The following STPG2 variants were observed in gnomAD, a reference collection of about 807,000 sequenced individuals.
The protein encoded by STPG2 is sperm-tail PG-rich repeat-containing protein 2.
In STPG2, 56 loss-of-function variants were observed where a neutral mutation model predicts 54.2. That is an observed-to-expected ratio of 1.03 (90% CI 0.83 to 1.29). STPG2 has a LOEUF of 1.29. Among genes scored for constraint, STPG2 ranks in the 50% most tolerant of loss-of-function variants. The probability of loss-of-function intolerance (pLI) is 0.00; values close to 1 mark genes in which losing one functional copy is unlikely to be tolerated. For missense variants in STPG2, 596 were observed against 544.9 expected, an observed-to-expected ratio of 1.09 and a Z score of -0.93; for synonymous variants, 200 against 181.8, an observed-to-expected ratio of 1.10 and a Z score of -0.81.
chr4:98,000,997 T>C (rs894000169), intron 5 of STPG2, among the ~76,000 whole-genome samples: 3 of 152,196 alleles, frequency 2.0e-5, no homozygotes, highest in Non-Finnish European at 2.9e-5. Flanking sequence ...TTGGAGTTGA[T>C]GGTTGTCTTA....
intron 4 of STPG2, among the ~76,000 whole-genome samples, chr4:97,495,948 G>T (rs981719428): frequency 1.3e-5 from 2 of 151,474 alleles, no homozygotes; most frequent in African/African-American, 4.8e-5. Flanking sequence ...TTACTATTGT[G>T]AGAAGAAAGA....
At chr4:98,069,474 TG>T (rs1737936340) in intron 5 of STPG2, among the ~76,000 whole-genome samples, 1 of 152,056 alleles carries the variant, frequency 6.6e-6, no homozygotes, top group Admixed American at 6.6e-5. Context: ...TTTAATTGTC[TG>T]TGTGCTGGGA....
intron 4 of STPG2, among the ~76,000 whole-genome samples, chr4:97,451,513 T>C (rs1164079684): frequency 2.6e-5 from 4 of 152,164 alleles, no homozygotes; most frequent in Non-Finnish European, 5.9e-5. Context: ...AATTTTATTT[T>C]TCTTTTGTTA....
At chr4:97,535,083 T>A (rs1731498536) in intron 4 of STPG2, among the ~76,000 whole-genome samples, 1 of 152,214 alleles carries the variant, frequency 6.6e-6, no homozygotes, top group African/African-American at 2.4e-5. Context: ...TATGTAAGGC[T>A]CATAAACATT....
intron 8 of STPG2, among the ~76,000 whole-genome samples, chr4:97,890,661 C>CA (rs1287626911): frequency 1.3e-5 from 2 of 151,548 alleles, no homozygotes; most frequent in Non-Finnish European, 2.9e-5. Flanking sequence ...TTATATATTT[C>CA]AAAAAACAGC....
intron 5 of STPG2, among the ~76,000 whole-genome samples, chr4:97,989,169 C>G (rs1166114573): frequency 6.6e-6 from 1 of 152,094 alleles, no homozygotes; most frequent in Non-Finnish European, 1.5e-5. Flanking sequence ...TTTTTTTTAT[C>G]TATCAACTTG....
At chr4:97,912,756 G>A (rs1168248732) in intron 8 of STPG2, among the ~76,000 whole-genome samples, 3 of 152,182 alleles carry the variant, frequency 2.0e-5, no homozygotes, top group African/African-American at 7.2e-5. Flanking sequence ...GAATCAAGTT[G>A]GAAAGCATAC....
intron 4 of STPG2, among the ~76,000 whole-genome samples, chr4:97,480,101 T>C (rs893663829): frequency 5.3e-5 from 8 of 151,480 alleles, no homozygotes; most frequent in Non-Finnish European, 1.2e-4. Flanking sequence ...AAGACAAAAA[T>C]AATATAAAGC....
intron 9 of STPG2, among the ~76,000 whole-genome samples, chr4:97,787,659 C>T (rs1051009967): frequency 6.6e-6 from 1 of 151,716 alleles, no homozygotes; most frequent in Non-Finnish European, 1.5e-5. Context: ...ATATTTTCTT[C>T]TTTGTCATTT....
chr4:97,604,493 C>T (rs1239212373), intron 10 of STPG2, among the ~76,000 whole-genome samples: 1 of 151,658 alleles, frequency 6.6e-6, no homozygotes, highest in Non-Finnish European at 1.5e-5. Context: ...TGTTGAATGA[C>T]AGGATGCCCC....
chr4:98,034,713 AG>A (rs1450594706), intron 5 of STPG2, among the ~76,000 whole-genome samples: 3 of 152,244 alleles, frequency 2.0e-5, no homozygotes, highest in African/African-American at 7.2e-5. Flanking sequence ...ACAAGCCTAC[AG>A]TAACCAAAAC....
chr4:97,522,722 C>T (rs1211349137), intron 4 of STPG2, among the ~76,000 whole-genome samples: 1 of 151,884 alleles, frequency 6.6e-6, no homozygotes, highest in African/African-American at 2.4e-5. Flanking sequence ...AGTTGTCTTA[C>T]ATATGGACAA....
Position 97,837,683 on chromosome 4 carries a change from T to G in STPG2, c.1204+3090A>C, listed in dbSNP as rs140049509. ...GAGTCTAGATGTACTATTTCCTTCT[T>G]TAATTTAGACTAATGAAAATGAGTT... On this transcript the variant is annotated intron_variant, in intron 9 of 10. Coordinates refer to ENST00000295268, the MANE Select transcript of STPG2 (RefSeq NM_174952.3). Among the ~76,000 whole-genome samples, 85 of 151,094 alleles carry G rather than the reference T, an allele frequency of 5.6e-4. 1 individual carries two copies. In the East Asian group the frequency reaches 0.016, roughly 28 times the overall value.
At chr4:97,918,467 A>G (rs1731969745) in intron 8 of STPG2, among the ~76,000 whole-genome samples, 2 of 152,054 alleles carry the variant, frequency 1.3e-5, no homozygotes, top group Admixed American at 6.6e-5. Context: ...ACACACAAAC[A>G]CACACACATT....
At chr4:97,914,288 G>A (rs1731789993) in intron 8 of STPG2, among the ~76,000 whole-genome samples, 1 of 151,994 alleles carries the variant, frequency 6.6e-6, no homozygotes, top group Non-Finnish European at 1.5e-5. Flanking sequence ...AAGCCCAATT[G>A]AAAACATTGT....
At chr4:97,997,495 G>T (rs1221775439) in intron 5 of STPG2, among the ~76,000 whole-genome samples, 1 of 152,038 alleles carries the variant, frequency 6.6e-6, no homozygotes, top group African/African-American at 2.4e-5. Flanking sequence ...GTACCAAGGG[G>T]GTGGTGCTAA....
chr4:97,891,438 C>G (rs10516425), intron 8 of STPG2, among the ~76,000 whole-genome samples: 8,352 of 151,896 alleles, frequency 0.055, 346 homozygotes, highest in South Asian at 0.17. Context: ...TTCATATATT[C>G]TCCTGAGTGC....
chr4:97,782,164 A>G (rs1726651027), intron 9 of STPG2, among the ~76,000 whole-genome samples: 1 of 152,214 alleles, frequency 6.6e-6, no homozygotes, highest in Admixed American at 6.5e-5. Flanking sequence ...AGATGACATG[A>G]TTGTATATTT....
At chr4:97,857,715 C>T (rs921830531) in intron 8 of STPG2, among the ~76,000 whole-genome samples, 2 of 151,492 alleles carry the variant, frequency 1.3e-5, no homozygotes, top group Admixed American at 6.6e-5. Flanking sequence ...AGACCAATCC[C>T]GGAAAAACAG....
Sources: gnomAD v4.1 joint callset for allele counts (sites outside exome capture counted in the v4.1 genomes callset) on GRCh38, gnomAD v4.1.1 for gene constraint, MANE v1.5 for transcripts, NCBI Gene and HGNC (gene_info 2026-07-23, HGNC 2026-07-21) for gene names.